GRIA3: variants seen among roughly 807,000 people sequenced by gnomAD.
GRIA3 encodes glutamate receptor 3.
GRIA3 carries 3 observed loss-of-function variants against 63.0 expected under a neutral mutation model. The observed-to-expected ratio is 0.05, with a 90% confidence interval of 0.02 to 0.12. The LOEUF is 0.12. Among genes scored for constraint, GRIA3 ranks in the 10% least tolerant of loss-of-function variants. GRIA3 has a pLI of 1.00. For missense variants in GRIA3, 347 were observed against 700.9 expected (o/e 0.50, Z 5.70); for synonymous variants, 274 against 257.9 (o/e 1.06, Z -0.60).
intron 3 of GRIA3, among the ~76,000 whole-genome samples, chrX:123,314,774 A>G (rs1420460655): frequency 2.7e-5 from 3 of 112,313 alleles, no homozygotes; most frequent in Non-Finnish European, 5.6e-5. Context: ...TTCAGAGCCA[A>G]GGTTACACTT....
intron 3 of GRIA3, among the ~76,000 whole-genome samples, chrX:123,313,500 C>CTCAGAT (rs1294699579): frequency 1.8e-5 from 2 of 111,438 alleles, no homozygotes; most frequent in Admixed American, 1.9e-4. Flanking sequence ...GTCCTTTGCA[C>CTCAGAT]TCAGATCCAG....
rs1450503189 is a variant in GRIA3, at chrX:123,489,183, G to GA, written c.*479dup. The GA allele has an allele frequency of 9.1e-6, 1 of 109,905 alleles. No homozygotes were observed. The highest frequency in any genetic ancestry group is 1.9e-5 in the Non-Finnish European group (1 of 52,672). 9.1% of individuals were successfully genotyped at this position (109,905 alleles called of 1,213,427 possible). On this transcript the variant is annotated 3_prime_UTR_variant, in exon 16 of 16. Coordinates refer to ENST00000620443, the MANE Select transcript of GRIA3 (RefSeq NM_007325.5). The stretch of plus-strand genomic sequence containing the variant: ...AAAATTAATTCTTCCTGATTAAAAA[G>GA]AAAAAATCTGTCTCCCAGTGTTTGG...
intron 5 of GRIA3, among the ~76,000 whole-genome samples, chrX:123,394,373 T>C (rs565425575): frequency 2.3e-4 from 25 of 110,415 alleles, no homozygotes; most frequent in African/African-American, 7.6e-4. Context: ...CACTCCAGCC[T>C]GGGTAACAGA....
intron 3 of GRIA3, among the ~76,000 whole-genome samples, chrX:123,270,686 C>T (rs1399161307): frequency 2.7e-5 from 3 of 112,141 alleles, no homozygotes; most frequent in Admixed American, 9.5e-5. Flanking sequence ...CCTGTCTGAG[C>T]GTCTGTAAAA....
chrX:123,476,250 T>C (rs1220543930), intron 13 of GRIA3, among the ~76,000 whole-genome samples: 2 of 111,791 alleles, frequency 1.8e-5, no homozygotes, highest in African/African-American at 3.3e-5. Flanking sequence ...GTAGAAGTCA[T>C]GGAAGAGACA....
intron 1 of GRIA3, 158 bp downstream of exon 1, chrX:123,184,802 CG>C: frequency 3.8e-6 from 1 of 260,325 alleles, no homozygotes; most frequent in Non-Finnish European, 7.6e-6. Context: ...GGGGGCGGGG[CG>C]GGGGGAATCT....
intron 4 of GRIA3, among the ~76,000 whole-genome samples, chrX:123,340,619 A>G (rs2045002660): frequency 8.9e-6 from 1 of 112,615 alleles, no homozygotes; most frequent in African/African-American, 3.2e-5. Context: ...CATCTAAAAC[A>G]GCTTGGAGCT....
intron 3 of GRIA3, among the ~76,000 whole-genome samples, chrX:123,311,301 T>C (rs1437859630): frequency 8.9e-6 from 1 of 112,219 alleles, no homozygotes; most frequent in Non-Finnish European, 1.9e-5. Context: ...GGCTGTAACA[T>C]AATCAAAAGA....
chrX:123,283,595 C>T (rs923923754), intron 3 of GRIA3, among the ~76,000 whole-genome samples: 5 of 110,942 alleles, frequency 4.5e-5, no homozygotes, highest in East Asian at 2.9e-4. Flanking sequence ...CTTGAGTAGG[C>T]GGTTTTCCCC....
intron 6 of GRIA3, among the ~76,000 whole-genome samples, chrX:123,396,989 T>A (rs956652372): frequency 9.0e-6 from 1 of 111,177 alleles, no homozygotes; most frequent in African/African-American, 3.3e-5. Flanking sequence ...CATGAGAAAA[T>A]GAGTAATGGT....
At chrX:123,349,503 G>T (rs1051913963) in intron 4 of GRIA3, among the ~76,000 whole-genome samples, 1 of 112,667 alleles carries the variant, frequency 8.9e-6, no homozygotes, top group Non-Finnish European at 1.9e-5. Context: ...TTTATTTGAT[G>T]CCTTATTCAA....
intron 3 of GRIA3, among the ~76,000 whole-genome samples, chrX:123,290,133 T>C (rs2044646751): frequency 9.0e-6 from 1 of 110,720 alleles, no homozygotes; most frequent in African/African-American, 3.3e-5. Context: ...ATGAGAAAGA[T>C]GAACAGACCC....
At chrX:123,449,911 T>C (rs2045721860) in intron 12 of GRIA3, among the ~76,000 whole-genome samples, 1 of 111,791 alleles carries the variant, frequency 8.9e-6, no homozygotes, top group Admixed American at 9.5e-5. Flanking sequence ...CCACATTGCC[T>C]GCCTGCCCCA....
intron 12 of GRIA3, among the ~76,000 whole-genome samples, chrX:123,428,988 G>A (rs764965908): frequency 1.8e-5 from 2 of 111,594 alleles, no homozygotes; most frequent in African/African-American, 3.3e-5. Flanking sequence ...AGAAAAATAT[G>A]CTAATTTAGA....
intron 2 of GRIA3, among the ~76,000 whole-genome samples, chrX:123,251,718 G>A (rs899991552): frequency 8.0e-5 from 9 of 111,891 alleles, no homozygotes; most frequent in Non-Finnish European, 1.7e-4. Flanking sequence ...ACAGGCGTGA[G>A]CCACCGCGAC....
chrX:123,452,206 T>C (rs1603163667), intron 12 of GRIA3, among the ~76,000 whole-genome samples: 1 of 111,328 alleles, frequency 9.0e-6, no homozygotes, highest in Non-Finnish European at 1.9e-5. Context: ...TTATTTACAA[T>C]GTTGGCCCCG....
At chrX:123,404,581 G>A in intron 9 of GRIA3, 127 bp from the exon 10 acceptor site, 1 of 472,772 alleles carries the variant, frequency 2.1e-6, no homozygotes, top group East Asian at 3.9e-5. Flanking sequence ...TGTTTACTAA[G>A]TAACAATTTA....
At chrX:123,382,807 C>T (rs1196547019) in intron 5 of GRIA3, among the ~76,000 whole-genome samples, 2 of 112,219 alleles carry the variant, frequency 1.8e-5, no homozygotes, top group East Asian at 2.8e-4. Flanking sequence ...CTTTCTCCCT[C>T]GCTTTTGCTA....
chrX:123,194,427 G>A (rs1927521259), intron 2 of GRIA3, among the ~76,000 whole-genome samples: 1 of 111,484 alleles, frequency 9.0e-6, no homozygotes, highest in Non-Finnish European at 1.9e-5. Context: ...AGGGGTAAGT[G>A]TATGGGTGTG....
Sources: allele counts gnomAD v4.1 joint callset (sites outside exome capture counted in the v4.1 genomes callset), GRCh38; gene constraint gnomAD v4.1.1; transcripts MANE v1.5; gene names NCBI Gene and HGNC (gene_info 2026-07-23, HGNC 2026-07-21).